IRF7: variants seen among roughly 807,000 people sequenced by gnomAD.
The protein encoded by IRF7 is interferon regulatory factor 7.
In IRF7, 67 loss-of-function variants were observed where a neutral mutation model predicts 51.3. The observed-to-expected ratio is 1.31, with a 90% CI of 1.07 to 1.60. IRF7 has a LOEUF of 1.60. Ranked by LOEUF, IRF7 falls within the 40% of genes most tolerant of loss-of-function variation. The pLI, the probability that IRF7 is intolerant of heterozygous loss-of-function variation, is 0.00. For missense variants in IRF7, 873 were observed against 701.5 expected (o/e 1.24, Z -2.76); for synonymous variants, 427 against 301.3 (o/e 1.42, Z -4.32).
Position 613,995 on chromosome 11 carries a change from T to C in IRF7, c.722A>G (p.Glu241Gly). ...CTGGGGCCCGGGGCTGGGGGTCGTC[T>C]CTACTGCCCACCCGTACAGCTCCCC... ...PAGELYGWAV[E>G]TTPSPGPQPA... Residue 241 changes from glutamate (E) to glycine (G), a missense_variant, in exon 7 of 11, where the codon GAG becomes GGG. Glu to Gly is a moderately conservative substitution (Grantham distance 98). Coordinates refer to ENST00000525445, the MANE Select transcript of IRF7 (RefSeq NM_001572.5). 1 of 1,608,678 alleles carries C rather than the reference T, an allele frequency of 6.2e-7. No individual in the cohort carries two copies. The highest frequency in any genetic ancestry group is 8.5e-7 in the Non-Finnish European group (1 of 1,178,552).
Position 612,704 on chromosome 11 carries a change from C to T in IRF7, c.1453G>A (p.Ala485Thr), listed in dbSNP as rs772836644. 6 of 1,612,864 alleles carry T rather than the reference C, an allele frequency of 3.7e-6. No individual in the cohort carries two copies. Among genetic ancestry groups the T allele is most frequent in the South Asian group, 3.3e-5 (3 of 91,086 alleles). Residue 485 changes from alanine (A) to threonine (T), a missense_variant, in exon 11 of 11, where the codon GCC becomes ACC. Ala to Thr is a moderately conservative substitution (Grantham distance 58). Coordinates refer to ENST00000525445, the MANE Select transcript of IRF7 (RefSeq NM_001572.5). ...SSSLSLCLSS[A>T]NSLYDDIECF... ...TCGATGTCGTCATAGAGGCTGTTGG[C>T]GCTGGACAGGCAGAGGCTGAGGCTG... is the stretch of plus-strand genomic sequence containing the variant.
At position 614,283 on chromosome 11, in the gene IRF7, GCT is replaced by G; in HGVS notation, c.568_569del (p.Ser190LeufsTer211). 2 of 1,612,314 alleles carry G rather than the reference GCT, an allele frequency of 1.2e-6. No homozygotes were observed. Among genetic ancestry groups the G allele is most frequent in the Non-Finnish European group, 1.7e-6 (2 of 1,179,636 alleles). ...CTGTCAGCAGATGGTCTGCCAGGCA[GCT>G]CTGTTGCACTGCCTGGAGCAGGAGG... ...GDLLLQAVQQ[S>X]CLADHLLTAS... On this transcript the variant is annotated frameshift_variant, in exon 6 of 11. Transcript: ENST00000525445. LOFTEE classifies it high-confidence loss of function.
rs747395854 is a variant in IRF7, at chr11:614,343, G to A, written c.510C>T (p.Gly170=). The A allele has an allele frequency of 1.2e-6, 2 of 1,610,662 alleles. No homozygotes were observed. Among genetic ancestry groups the A allele is most frequent in the Non-Finnish European group, 1.7e-6 (2 of 1,179,244 alleles). Residue 170 remains glycine (G), a synonymous_variant, in exon 6 of 11, where the codon GGC becomes GGT. Coordinates refer to ENST00000525445, the MANE Select transcript of IRF7 (RefSeq NM_001572.5). ...AHTHAGLQAP[G]PLPAPAGDKG... Reference sequence around the variant, plus strand: ...TGTCACCAGCTGGGGCAGGGAGGGGGCCTGGGGCTTGGAGTCCAGCATGTG... The same window carrying A: ...TGTCACCAGCTGGGGCAGGGAGGGGACCTGGGGCTTGGAGTCCAGCATGTG...
chr11:614,668 CCACCTGTCCTGGGCCTG>C, intron 4 of IRF7, 112 bp downstream of exon 4: 1 of 1,392,586 alleles, frequency 7.2e-7, no homozygotes, highest in East Asian at 2.5e-5. Flanking sequence ...ATGTGGCTCT[CCACCTGTCCTGGGCCTG>C]CTGGCAGCCT....
chr11:613,154 G>T, intron 9 of IRF7, 37 bp from the exon 10 acceptor site: 1 of 1,606,984 alleles, frequency 6.2e-7, no homozygotes, highest in South Asian at 1.1e-5. Flanking sequence ...CTGGCAGGCA[G>T]GTGCTCCCAA....
intron 6 of IRF7, 27 bp downstream of exon 6, chr11:614,147 T>C (rs1856666371): frequency 1.9e-6 from 3 of 1,582,486 alleles, no homozygotes; most frequent in East Asian, 2.3e-5. Flanking sequence ...CCTCCCGCGC[T>C]CCCCCCCTCC....
At position 613,535 on chromosome 11, in the gene IRF7, T is replaced by A; in HGVS notation, c.908A>T (p.Lys303Met). 2 of 1,572,574 alleles carry A rather than the reference T, an allele frequency of 1.3e-6. No homozygotes were observed. The highest frequency in any genetic ancestry group is 8.6e-7 in the Non-Finnish European group (1 of 1,160,884). ...IMYKGRTVLQ[K>M]VVGHPSCTFL... Reference sequence around the variant, plus strand: ...CGTGCAGCTCGGGTGTCCCACCACCTTCTGCAGCACCGTGCGGCCCTTGTA... The same window carrying A: ...CGTGCAGCTCGGGTGTCCCACCACCATCTGCAGCACCGTGCGGCCCTTGTA... The change falls in exon 9 of 11, where the codon AAG becomes ATG. Residue 303 changes from lysine (K) to methionine (M), a missense_variant. Transcript: ENST00000525445.
intron 8 of IRF7, 74 bp downstream of exon 8, chr11:613,711 A>C: frequency 1.7e-6 from 1 of 578,514 alleles, no homozygotes; most frequent in Non-Finnish European, 2.2e-6. Flanking sequence ...GATGTGAGTG[A>C]TGGGTGGGCG....
chr11:614,946 T>G lies in IRF7; in HGVS notation c.245A>C (p.Glu82Ala). Residue 82 changes from glutamate (E) to alanine (A), a missense_variant, in exon 4 of 11, where the codon GAG becomes GCG. Transcript: ENST00000525445. ...PSSRGGGPPPEAETAERAGWK... is the reference protein window; with the variant it reads ...PSSRGGGPPPAAETAERAGWK... ...GCCGGCGCGCTCCGCAGTCTCAGCC[T>G]CGGGGGGCGGGCCACCTCCCCTGCT... The G allele has an allele frequency of 1.3e-6, 2 of 1,569,828 alleles. No homozygotes were observed. The highest frequency in any genetic ancestry group is 1.7e-6 in the Non-Finnish European group (2 of 1,160,822).
rs1856770778 is a variant in IRF7 at position 615,211 on chromosome 11, G to A, written c.69C>T (p.Ser23=). 1.3e-6 allele frequency: 2 copies of A among 1,598,518 alleles called. No individual in the cohort carries two copies. The highest frequency in any genetic ancestry group is 1.7e-5 in the Admixed American group (1 of 59,010). Residue 23 remains serine (S), a synonymous_variant, in exon 3 of 11, where the codon AGC becomes AGT. Transcript: ENST00000525445. ...ACTGCAGCCCCTCATAGCAGCCGCT[G>A]CTGATCTCTCCAAGGAGCCACTCTC... ...LFGEWLLGEI[S]SGCYEGLQWL...
intron 7 of IRF7, 36 bp downstream of exon 7, chr11:613,915 C>T: frequency 1.9e-6 from 3 of 1,600,724 alleles, no homozygotes; most frequent in South Asian, 2.2e-5. Context: ...TAGCCTCTCC[C>T]TGTGCCCCAG....
Position 613,868 on chromosome 11 carries a change from G to A in IRF7, c.767-3C>T, listed in dbSNP as rs1301507293. On this transcript the variant is annotated splice_region_variant and splice_polypyrimidine_tract_variant and intron_variant, in intron 7 of 10. Coordinates refer to ENST00000525445, the MANE Select transcript of IRF7 (RefSeq NM_001572.5). ...GGACTCTGGGGCCGCGGCCTCGCCT[G>A]CATCCGGAAGGGAATCCTGTGCTGG... 1.3e-6 allele frequency: 2 copies of A among 1,598,808 alleles called. No individual in the cohort carries two copies. The highest frequency in any genetic ancestry group is 1.7e-6 in the Non-Finnish European group (2 of 1,173,942).
At chr11:614,570 C>T in intron 4 of IRF7, 36 bp from the exon 5 acceptor site, 2 of 1,548,506 alleles carry the variant, frequency 1.3e-6, no homozygotes, top group East Asian at 2.4e-5. Flanking sequence ...GGCCCCGACA[C>T]CAGAGTGAGA....
Position 614,043 on chromosome 11 carries a change from G to T in IRF7, c.680-6C>A, listed in dbSNP as rs1856655378. On this transcript the variant is annotated splice_polypyrimidine_tract_variant and splice_region_variant and intron_variant, in intron 6 of 10. Transcript: ENST00000525445. ...CCCAGCAGGGAGCCCTGGGCCTGAG[G>T]AGGGGAGGACAGTGGGAACGGTGGT... 2 of 1,605,774 alleles carry T rather than the reference G, an allele frequency of 1.2e-6. No homozygotes were observed. Among genetic ancestry groups the T allele is most frequent in the African/African-American group, 1.3e-5 (1 of 74,720 alleles).
Position 615,638 on chromosome 11 carries a change from A to G in IRF7, c.-274T>C. 2.4e-6 allele frequency: 1 copy of G among 410,790 alleles called. No individual in the cohort carries two copies. The highest frequency in any genetic ancestry group is 4.3e-6 in the Non-Finnish European group (1 of 233,036). The allele number at this position is 410,790 out of a possible 1,614,324, so 25.4% of individuals were successfully genotyped here. On this transcript the variant is annotated 5_prime_UTR_variant, in exon 2 of 11. Coordinates refer to ENST00000525445, the MANE Select transcript of IRF7 (RefSeq NM_001572.5). The stretch of plus-strand genomic sequence containing the variant: ...GTGTCCAGGCCTGGCGGGAAGGCGC[A>G]GGCCGGACCCTGCGGAGACGGGAAA...
Position 613,375 on chromosome 11 carries a change from C to G in IRF7, c.1068G>C (p.Gly356=). 3.7e-6 allele frequency: 6 copies of G among 1,605,684 alleles called. No individual in the cohort carries two copies. The highest frequency in any genetic ancestry group is 5.1e-6 in the Non-Finnish European group (6 of 1,177,398). Reference sequence around the variant, plus strand: ...GTGGCCCCCGAAGCTCCAGGTGCAACCCAGGGGCCACGTGCCGCAGCAGTT... The same window carrying G: ...GTGGCCCCCGAAGCTCCAGGTGCAAGCCAGGGGCCACGTGCCGCAGCAGTT... ...TEELLRHVAP[G]LHLELRGPQL... The change falls in exon 9 of 11, where the codon GGG becomes GGC. Residue 356 remains glycine (G), a synonymous_variant. Transcript: ENST00000525445.
rs371452982 is a variant in IRF7 at position 613,235 on chromosome 11, G to A, written c.1208C>T (p.Pro403Leu). The A allele has an allele frequency of 1.9e-6, 3 of 1,592,328 alleles. No individual in the cohort carries two copies. The highest frequency in any genetic ancestry group is 1.7e-6 in the Non-Finnish European group (2 of 1,169,512). Residue 403 changes from proline to leucine, a missense_variant, in exon 9 of 11, where the codon CCC (proline) becomes CTC (leucine). Coordinates refer to ENST00000525445, the MANE Select transcript of IRF7 (RefSeq NM_001572.5). ...GAAGAAGACTCTGAAGTCGAAGATG[G>A]GGGTGTCACAGTTCCGAGGCAGCAG... Reference protein sequence around the residue: ...ACLLPRNCDTPIFDFRVFFQE... With the variant: ...ACLLPRNCDTLIFDFRVFFQE...
In IRF7 at chr11:614,475, C is replaced by T. The variant is rs1035010949; in HGVS notation, c.453+1G>A. On this transcript the variant is annotated splice_donor_variant, in intron 5 of 10. Transcript: ENST00000525445. LOFTEE classifies it high-confidence loss of function. ...GGAGAGGCAGGCAGAGAGAAGGGTA[C>T]CTGTGGTGGTGGGACAGCTGCGGGG... 2.6e-6 allele frequency: 4 copies of T among 1,566,198 alleles called. No homozygotes were observed. The highest frequency in any genetic ancestry group is 2.7e-5 in the African/African-American group (2 of 73,860).
At chr11:614,561 G>A (rs1260075491) in intron 4 of IRF7, 27 bp from the exon 5 acceptor site, 1 of 1,550,216 alleles carries the variant, frequency 6.5e-7, no homozygotes, top group African/African-American at 1.4e-5. Context: ...CAGGCGTTAG[G>A]CCCCGACACC....
Sources: allele counts gnomAD v4.1 joint callset, GRCh38; gene constraint gnomAD v4.1.1; transcripts MANE v1.5; gene names NCBI Gene and HGNC (gene_info 2026-07-23, HGNC 2026-07-21).